MEIS1: variants seen among roughly 807,000 people sequenced by gnomAD.
MEIS1 encodes homeobox protein Meis1.
In MEIS1, 5 loss-of-function variants were observed where a neutral mutation model predicts 50.8. The observed-to-expected ratio is 0.10, with a 90% confidence interval of 0.05 to 0.21. The LOEUF (loss-of-function observed/expected upper bound fraction) is 0.21. MEIS1 is among the 10% of genes least tolerant of loss of function. The probability of loss-of-function intolerance (pLI) is 1.00; values close to 1 mark genes in which losing one functional copy is unlikely to be tolerated. For missense variants in MEIS1, 318 were observed against 517.3 expected (o/e 0.61, Z 3.74); for synonymous variants, 176 against 179.3 (o/e 0.98, Z 0.15).
chr2:66,480,685 G>A (rs1269435479), intron 7 of MEIS1, among the ~76,000 whole-genome samples: 1 of 152,170 alleles, frequency 6.6e-6, no homozygotes, highest in East Asian at 1.9e-4. Context: ...CCATCAGAAA[G>A]TCATAACATG....
intron 8 of MEIS1, among the ~76,000 whole-genome samples, chr2:66,540,343 C>T (rs1182237190): frequency 1.3e-5 from 2 of 152,142 alleles, no homozygotes; most frequent in Non-Finnish European, 2.9e-5. Context: ...TTTGAGATGT[C>T]TGTTGCACAG....
intron 6 of MEIS1, among the ~76,000 whole-genome samples, chr2:66,454,501 A>T (rs1672342925): frequency 6.6e-6 from 1 of 152,010 alleles, no homozygotes; most frequent in Non-Finnish European, 1.5e-5. Flanking sequence ...CTTTTTCCCC[A>T]CATTTCTGAA....
intron 8 of MEIS1, among the ~76,000 whole-genome samples, chr2:66,529,357 A>C (rs980056022): frequency 1.3e-5 from 2 of 152,198 alleles, no homozygotes; most frequent in Admixed American, 6.5e-5. Context: ...GGAGCTTTAT[A>C]AAGTAGAAAG....
chr2:66,542,803 A>G (rs772633392), intron 8 of MEIS1, among the ~76,000 whole-genome samples: 3 of 152,172 alleles, frequency 2.0e-5, no homozygotes, highest in African/African-American at 4.8e-5. Context: ...CTTGGTTACC[A>G]GGGTAGATAA....
At position 66,540,454 on chromosome 2, in the gene MEIS1, C is replaced by A. The variant is rs375508913; in HGVS notation, c.889-7489C>A. 1.2e-4 allele frequency among the ~76,000 whole-genome samples: 19 copies of A among 152,152 alleles called. No individual in the cohort carries two copies. The East Asian group carries it at 1.5e-3, about 12-fold the overall frequency. Reference sequence around the variant, plus strand: ...CCTGCCGAGTAGATGGGATTACAGGCGCCTGACATCACGCCCAGCTAATTT... The same window carrying A: ...CCTGCCGAGTAGATGGGATTACAGGAGCCTGACATCACGCCCAGCTAATTT... On this transcript the variant is annotated intron_variant, in intron 8 of 12. Transcript: ENST00000272369.
chr2:66,550,838 A>G (rs986199895), intron 9 of MEIS1, among the ~76,000 whole-genome samples: 1 of 152,094 alleles, frequency 6.6e-6, no homozygotes, highest in Non-Finnish European at 1.5e-5. Flanking sequence ...TCTTAGCTAT[A>G]CTGAGCATCG....
chr2:66,442,681 T>C, intron 5 of MEIS1: 1 of 487,802 alleles, frequency 2.1e-6, no homozygotes. Context: ...TTGTAGCCTG[T>C]GAATCATCTT....
intron 8 of MEIS1, among the ~76,000 whole-genome samples, chr2:66,545,546 A>G (rs1341877831): frequency 6.6e-6 from 1 of 152,214 alleles, no homozygotes; most frequent in Non-Finnish European, 1.5e-5. Context: ...AGCATCATTT[A>G]TACAATCTAA....
At chr2:66,474,464 T>C (rs1672842530) in intron 7 of MEIS1, among the ~76,000 whole-genome samples, 1 of 152,156 alleles carries the variant, frequency 6.6e-6, no homozygotes, top group Non-Finnish European at 1.5e-5. Context: ...ATGTTATTTC[T>C]CTTTATCATG....
At chr2:66,458,036 A>T (rs1672434093) in intron 6 of MEIS1, among the ~76,000 whole-genome samples, 1 of 152,154 alleles carries the variant, frequency 6.6e-6, no homozygotes, top group South Asian at 2.1e-4. Flanking sequence ...AATTTTGTAC[A>T]CTGATTATTT....
At chr2:66,512,045 C>G (rs1306724586) in intron 7 of MEIS1, 104 bp from the exon 8 acceptor site, 1 of 1,249,504 alleles carries the variant, frequency 8.0e-7, no homozygotes, top group Admixed American at 3.5e-5. Flanking sequence ...AACTATTAAT[C>G]ATTTAAATTT....
intron 7 of MEIS1, among the ~76,000 whole-genome samples, chr2:66,493,422 G>C (rs1344963998): frequency 6.6e-6 from 1 of 152,040 alleles, no homozygotes; most frequent in Non-Finnish European, 1.5e-5. Flanking sequence ...TTAGTTATGT[G>C]TTGGACCCTG....
At chr2:66,560,641 A>G (rs1274317041) in intron 9 of MEIS1, among the ~76,000 whole-genome samples, 1 of 152,068 alleles carries the variant, frequency 6.6e-6, no homozygotes, top group East Asian at 1.9e-4. Context: ...ACCTTCCTCA[A>G]CTGTGGTAGA....
intron 7 of MEIS1, among the ~76,000 whole-genome samples, chr2:66,495,078 ACCTTTT>A (rs1434631119): frequency 3.5e-5 from 3 of 85,014 alleles, no homozygotes; most frequent in Non-Finnish European, 7.4e-5. Context: ...CCCTCTTCTG[ACCTTTT>A]TTTTTTTTTT....
chr2:66,525,838 G>A (rs1487125672), intron 8 of MEIS1, among the ~76,000 whole-genome samples: 3 of 152,202 alleles, frequency 2.0e-5, no homozygotes, highest in East Asian at 1.9e-4. Context: ...ATGCAGCGAC[G>A]GAAGTTATCA....
Position 66,505,043 on chromosome 2 carries a change from A to G in MEIS1, c.743-7106A>G, listed in dbSNP as rs192280081. 1.8e-3 allele frequency among the ~76,000 whole-genome samples: 274 copies of G among 152,288 alleles called. 1 individual carries two copies. The highest frequency in any genetic ancestry group is 2.7e-3 in the Non-Finnish European group (185 of 68,024). The stretch of plus-strand genomic sequence containing the variant: ...TAAAGATAAACTTGGATCATTACCT[A>G]TTTGTATATTGGCTGCAGAGTTGTA... On this transcript the variant is annotated intron_variant, in intron 7 of 12. Transcript: ENST00000272369.
At chr2:66,533,648 C>G (rs1674447610) in intron 8 of MEIS1, among the ~76,000 whole-genome samples, 1 of 152,194 alleles carries the variant, frequency 6.6e-6, no homozygotes, top group Admixed American at 6.5e-5. Context: ...AGCCTCTTTT[C>G]CTTTTAATGG....
chr2:66,502,105 ACAT>A (rs1673570969), intron 7 of MEIS1, among the ~76,000 whole-genome samples: 1 of 152,264 alleles, frequency 6.6e-6, no homozygotes, highest in African/African-American at 2.4e-5. Context: ...ACCTAGATAT[ACAT>A]ACAGATGTTT....
chr2:66,460,131 A>G (rs1324894511), intron 6 of MEIS1, among the ~76,000 whole-genome samples: 1 of 152,146 alleles, frequency 6.6e-6, no homozygotes, highest in African/African-American at 2.4e-5. Flanking sequence ...ATAGTTTTTG[A>G]AGTTGCAGTT....
Sources: allele counts gnomAD v4.1 joint callset (sites outside exome capture counted in the v4.1 genomes callset), GRCh38; gene constraint gnomAD v4.1.1; transcripts MANE v1.5; gene names NCBI Gene and HGNC (gene_info 2026-07-23, HGNC 2026-07-21).